KAZN: variants seen among roughly 807,000 people sequenced by gnomAD.
KAZN encodes kazrin, periplakin interacting protein, also known as kazrin.
In KAZN, 40 loss-of-function variants were observed where a neutral mutation model predicts 87.4. The ratio of observed to expected loss-of-function variants is 0.46; its 90% confidence interval spans 0.36 to 0.60. The LOEUF (loss-of-function observed/expected upper bound fraction) is 0.60. Ranked by LOEUF, KAZN falls within the 20% of genes least tolerant of loss-of-function variation. The pLI is 0.00. For missense variants in KAZN, 898 were observed against 1,073.9 expected (o/e 0.84, Z 2.29); for synonymous variants, 466 against 458.3 (o/e 1.02, Z -0.22).
In KAZN at chr1:14,069,191, G is replaced by A. The variant is rs184668923; in HGVS notation, c.92-111244G>A. ...CTAATATGGGTAAAGAGAGCAGGAT[G>A]GAACCTGGTAAGTGAGTCTGTAGCT... On this transcript the variant is annotated intron_variant, in intron 1 of 16. Transcript: ENST00000636203. Among the ~76,000 whole-genome samples the A allele has an allele frequency of 2.8e-3, 424 of 152,278 alleles. 5 individuals carry two copies. The highest frequency in any genetic ancestry group is 9.9e-3 in the African/African-American group (411 of 41,558).
intron 1 of KAZN, among the ~76,000 whole-genome samples, chr1:14,050,805 C>T (rs900282218): frequency 6.6e-6 from 1 of 152,204 alleles, no homozygotes; most frequent in Admixed American, 6.5e-5. Context: ...GGCCCATCCT[C>T]TGAGAGCTTC....
At chr1:14,772,525 GAA>G (rs35991159) in intron 1 of KAZN, among the ~76,000 whole-genome samples, 107 of 145,844 alleles carry the variant, frequency 7.3e-4, no homozygotes, top group African/African-American at 1.1e-3. Context: ...AATAGATTGA[GAA>G]AAAAAAAAAA....
At chr1:14,383,966 T>C (rs1024367334) in intron 2 of KAZN, among the ~76,000 whole-genome samples, 2 of 152,056 alleles carry the variant, frequency 1.3e-5, no homozygotes, top group African/African-American at 2.4e-5. Context: ...GTTCTTCCAT[T>C]TGTTTGTATC....
At chr1:14,412,993 C>T (rs185855531) in intron 2 of KAZN, among the ~76,000 whole-genome samples, 197 of 147,968 alleles carry the variant, frequency 1.3e-3, no homozygotes, top group Middle Eastern at 3.6e-3. Flanking sequence ...TATAAAAACA[C>T]ATATATAAAT....
chr1:14,468,840 G>A (rs1006281211), intron 2 of KAZN, among the ~76,000 whole-genome samples: 9 of 152,202 alleles, frequency 5.9e-5, no homozygotes, highest in African/African-American at 2.2e-4. Flanking sequence ...CCGTTTGCAA[G>A]ATGGTCTCGC....
At chr1:14,623,289 T>TA (rs965712788) in intron 1 of KAZN, among the ~76,000 whole-genome samples, 5 of 152,108 alleles carry the variant, frequency 3.3e-5, no homozygotes, top group African/African-American at 1.2e-4. Flanking sequence ...TATGCAGGCA[T>TA]AAAAAAGAAC....
chr1:14,944,777 C>T (rs1211368770), intron 1 of KAZN, among the ~76,000 whole-genome samples: 1 of 152,226 alleles, frequency 6.6e-6, no homozygotes, highest in Non-Finnish European at 1.5e-5. Context: ...GAAGTGAGCA[C>T]TTGGAAGGAG....
intron 2 of KAZN, among the ~76,000 whole-genome samples, chr1:15,009,789 A>G (rs926950614): frequency 2.0e-5 from 3 of 152,210 alleles, no homozygotes; most frequent in Non-Finnish European, 2.9e-5. Context: ...CCATTTACCT[A>G]TTACCTGACC....
chr1:13,988,728 C>A (rs752081807), intron 1 of KAZN, among the ~76,000 whole-genome samples: 1 of 152,136 alleles, frequency 6.6e-6, no homozygotes, highest in Non-Finnish European at 1.5e-5. Flanking sequence ...TAACAAAATC[C>A]TTTGTTAATA....
At position 14,761,326 on chromosome 1, in the gene KAZN, T is replaced by A. The variant is rs1204716637; in HGVS notation, c.226+162103T>A. ...AGAGGCATTCAAGAGCCTGCAGATC[T>A]ACTATGTCTCCTCCCCCAAGCCCCT... On this transcript the variant is annotated intron_variant, in intron 1 of 14. Transcript: ENST00000376030. Among the ~76,000 whole-genome samples, 2 of 152,188 alleles carry A rather than the reference T, an allele frequency of 1.3e-5. 1 individual carries two copies. The highest frequency in any genetic ancestry group is 1.3e-4 in the Admixed American group (2 of 15,280).
At chr1:14,751,713 A>G (rs61772265) in intron 1 of KAZN, among the ~76,000 whole-genome samples, 2,598 of 152,256 alleles carry the variant, frequency 0.017, 51 homozygotes, top group Non-Finnish European at 0.026. Context: ...TCCTCTGGCT[A>G]TGGAATGGCA....
intron 1 of KAZN, among the ~76,000 whole-genome samples, chr1:14,681,199 C>T (rs1001946392): frequency 6.6e-6 from 1 of 152,212 alleles, no homozygotes; most frequent in Non-Finnish European, 1.5e-5. Context: ...TACATCGCAA[C>T]ATGAGGTTTG....
intron 1 of KAZN, among the ~76,000 whole-genome samples, chr1:14,066,676 A>G (rs796341935): frequency 7.9e-5 from 12 of 152,320 alleles, no homozygotes; most frequent in African/African-American, 2.9e-4. Flanking sequence ...GGAAGATGAT[A>G]GAACTGCCAG....
chr1:14,494,176 C>T (rs528087690), intron 2 of KAZN, among the ~76,000 whole-genome samples: 11 of 152,212 alleles, frequency 7.2e-5, no homozygotes, highest in African/African-American at 2.4e-4. Flanking sequence ...CAGGAGCAGC[C>T]CAGAGCCAGC....
chr1:14,047,404 G>T (rs1049109653), intron 1 of KAZN, among the ~76,000 whole-genome samples: 1 of 152,162 alleles, frequency 6.6e-6, no homozygotes, highest in African/African-American at 2.4e-5. Context: ...ACACCCAGGA[G>T]CCCATGGAAC....
rs112577469 is a variant in KAZN at position 14,571,853 on chromosome 1, G to A, written c.250-27130G>A. On this transcript the variant is annotated intron_variant, in intron 2 of 16. Coordinates refer to the KAZN transcript ENST00000636203. ...TGGCAGGGAAGGAGAGGCAGGGCTT[G>A]CATTGAGTTAGCACCAGAGTGGGCT... Among the ~76,000 whole-genome samples, 223 of 152,290 alleles carry A rather than the reference G, an allele frequency of 1.5e-3. 1 individual carries two copies. The highest frequency in any genetic ancestry group is 5.2e-3 in the African/African-American group (215 of 41,560).
At chr1:14,464,433 A>G (rs543666319) in intron 2 of KAZN, among the ~76,000 whole-genome samples, 2 of 152,188 alleles carry the variant, frequency 1.3e-5, no homozygotes, top group East Asian at 3.9e-4. Context: ...TCTTTGGTTT[A>G]CCCAAGTCCT....
intron 1 of KAZN, chr1:14,924,069 C>T (rs972396463): frequency 1.3e-6 from 1 of 792,898 alleles, no homozygotes; most frequent in Non-Finnish European, 1.4e-6. Flanking sequence ...GGGGCGGGGG[C>T]GGGGCGAGCC....
chr1:14,227,219 G>T (rs2100525218), intron 2 of KAZN, among the ~76,000 whole-genome samples: 1 of 152,228 alleles, frequency 6.6e-6, no homozygotes, highest in East Asian at 1.9e-4. Flanking sequence ...GGGTCTTTCA[G>T]TTATCTCTTG....
Sources: allele counts gnomAD v4.1 joint callset (sites outside exome capture counted in the v4.1 genomes callset), GRCh38; gene constraint gnomAD v4.1.1; transcripts MANE v1.5; gene names NCBI Gene and HGNC (gene_info 2026-07-23, HGNC 2026-07-21).